The following MYO16 variants were observed in gnomAD, a reference collection of about 807,000 sequenced individuals.
The protein encoded by MYO16 is myosin XVI.
Under a neutral mutation model 205.3 loss-of-function variants are expected in MYO16, and 94 were observed. The ratio of observed to expected loss-of-function variants is 0.46; its 90% CI spans 0.39 to 0.54. The LOEUF (loss-of-function observed/expected upper bound fraction) is 0.54, where lower values mean the gene tolerates loss of function less well. MYO16 is among the 20% of genes least tolerant of loss of function. The probability of loss-of-function intolerance (pLI) is 0.00; values close to 1 mark genes in which losing one functional copy is unlikely to be tolerated. For missense variants in MYO16, 2,315 were observed against 2,387.5 expected (o/e 0.97, Z 0.63); for synonymous variants, 988 against 954.0 (o/e 1.04, Z -0.66).
chr13:108,781,353 T>C (rs969061779), intron 4 of MYO16, among the ~76,000 whole-genome samples: 3 of 152,156 alleles, frequency 2.0e-5, no homozygotes, highest in African/African-American at 7.2e-5. Flanking sequence ...GGGCAGTGGG[T>C]AGATGAATGG....
At chr13:108,759,471 G>C (rs1160581060) in intron 4 of MYO16, among the ~76,000 whole-genome samples, 2 of 152,142 alleles carry the variant, frequency 1.3e-5, no homozygotes, top group African/African-American at 4.8e-5. Context: ...TATCTTCTTT[G>C]AGATAGGAAA....
intron 16 of MYO16, among the ~76,000 whole-genome samples, 163 bp from the exon 17 acceptor site, chr13:108,957,525 A>G (rs1883416153): frequency 1.3e-5 from 2 of 152,172 alleles, no homozygotes; most frequent in Admixed American, 1.3e-4. Flanking sequence ...CTTTCCTGAG[A>G]TATCATGTGC....
chr13:108,725,169 C>T (rs888763427), intron 3 of MYO16, among the ~76,000 whole-genome samples: 3 of 152,106 alleles, frequency 2.0e-5, no homozygotes, highest in Non-Finnish European at 4.4e-5. Context: ...ATGTACTTAA[C>T]ATCTTCAATA....
intron 19 of MYO16, among the ~76,000 whole-genome samples, chr13:108,962,805 AC>A (rs1425917331): frequency 3.3e-5 from 5 of 152,174 alleles, no homozygotes; most frequent in Non-Finnish European, 5.9e-5. Flanking sequence ...GCCATGCTGC[AC>A]TCTTCAATGA....
At chr13:108,819,040 A>G (rs975374178) in intron 7 of MYO16, among the ~76,000 whole-genome samples, 2 of 152,202 alleles carry the variant, frequency 1.3e-5, no homozygotes, top group African/African-American at 2.4e-5. Flanking sequence ...TCTTGGAAAA[A>G]AATATATTAG....
chr13:109,007,710 TAAGATTAAGAAA>T (rs777239014), intron 21 of MYO16, among the ~76,000 whole-genome samples: 23,685 of 151,936 alleles, frequency 0.16, 2,179 homozygotes, highest in Non-Finnish European at 0.2. Context: ...GGTTTTTCTT[TAAGATTAAGAAA>T]TAACATATTT....
At chr13:108,963,195 GA>G (rs2139370567) in intron 19 of MYO16, among the ~76,000 whole-genome samples, 1 of 152,286 alleles carries the variant, frequency 6.6e-6, no homozygotes, top group African/African-American at 2.4e-5. Context: ...TCTTTATTGT[GA>G]TTGTGAGAAC....
chr13:108,714,146 T>C (rs1883835540), intron 3 of MYO16, among the ~76,000 whole-genome samples: 1 of 152,130 alleles, frequency 6.6e-6, no homozygotes, highest in South Asian at 2.1e-4. Context: ...AAGCTCCGTC[T>C]CCTGGTTCAC....
intron 20 of MYO16, among the ~76,000 whole-genome samples, chr13:108,979,613 C>T (rs1369635896): frequency 6.6e-6 from 1 of 152,028 alleles, no homozygotes; most frequent in East Asian, 1.9e-4. Context: ...ACCCAAACTA[C>T]ACAATTTAGC....
the MYO16 span, among the ~76,000 whole-genome samples, chr13:108,523,938 T>C: frequency 6.6e-6 from 1 of 152,260 alleles, no homozygotes; most frequent in Non-Finnish European, 1.5e-5. Flanking sequence ...ATGAATGGTT[T>C]AGCACCATCC....
intron 27 of MYO16, among the ~76,000 whole-genome samples, chr13:109,087,982 G>C (rs1350277365): frequency 6.6e-6 from 1 of 152,178 alleles, no homozygotes; most frequent in Non-Finnish European, 1.5e-5. Context: ...CCATGGCTCA[G>C]CCAGTGAATT....
At chr13:108,624,894 G>C (rs574310794), upstream of MYO16, among the ~76,000 whole-genome samples, 3 of 152,100 alleles carry the variant, frequency 2.0e-5, no homozygotes, top group African/African-American at 7.2e-5. Flanking sequence ...TTGTATTACA[G>C]AGAGTAATTT....
the MYO16 span, among the ~76,000 whole-genome samples, chr13:108,525,991 C>T: frequency 1.3e-5 from 2 of 150,430 alleles, no homozygotes; most frequent in African/African-American, 4.9e-5. Flanking sequence ...GAGAAAGACA[C>T]CAGCTGGTGA....
intron 16 of MYO16, among the ~76,000 whole-genome samples, chr13:108,952,489 T>C (rs983724916): frequency 4.6e-5 from 7 of 152,328 alleles, no homozygotes; most frequent in African/African-American, 1.7e-4. Context: ...TGGAGACTAA[T>C]GGAGGAAGTG....
At chr13:108,615,960 G>A (rs1178121429) in intron 1 of MYO16, among the ~76,000 whole-genome samples, 1 of 152,246 alleles carries the variant, frequency 6.6e-6, no homozygotes, top group African/African-American at 2.4e-5. Flanking sequence ...CTGCACAAAT[G>A]CAGTCCCTTA....
At chr13:108,931,080 C>A (rs973051603) in intron 16 of MYO16, among the ~76,000 whole-genome samples, 17 of 152,192 alleles carry the variant, frequency 1.1e-4, no homozygotes, top group Non-Finnish European at 1.2e-4. Flanking sequence ...TAAATACACC[C>A]TTACACACTT....
At chr13:108,940,931 A>C (rs993519551) in intron 16 of MYO16, among the ~76,000 whole-genome samples, 5 of 152,094 alleles carry the variant, frequency 3.3e-5, no homozygotes, top group African/African-American at 1.2e-4. Flanking sequence ...TCAATTAAAC[A>C]AAACAAAATT....
intron 28 of MYO16, among the ~76,000 whole-genome samples, chr13:109,110,813 G>T (rs141570315): frequency 0.011 from 1,651 of 152,334 alleles, 11 homozygotes; most frequent in South Asian, 0.016. Context: ...TGTGAATTCA[G>T]CCTGGAGAGG....
At chr13:108,756,100 G>T (rs9559399) in intron 4 of MYO16, among the ~76,000 whole-genome samples, 5,117 of 152,096 alleles carry the variant, frequency 0.034, 263 homozygotes, top group East Asian at 0.25. Context: ...GTTTACACAT[G>T]AAAATAAAAG....
Sources: allele counts gnomAD v4.1 joint callset (sites outside exome capture counted in the v4.1 genomes callset), GRCh38; gene constraint gnomAD v4.1.1; transcripts MANE v1.5; gene names NCBI Gene and HGNC (gene_info 2026-07-23, HGNC 2026-07-21).